Variants in TIRAP observed in about 807,000 individuals in gnomAD.
TIRAP encodes toll/interleukin-1 receptor domain-containing adapter protein.
In TIRAP, 20 loss-of-function variants were observed where a neutral mutation model predicts 19.8. The observed-to-expected ratio is 1.01, with a 90% CI of 0.71 to 1.47. The LOEUF (loss-of-function observed/expected upper bound fraction) is 1.47. TIRAP is among the 40% of genes most tolerant of loss of function. The pLI is 0.00. For missense variants in TIRAP, 276 were observed against 285.1 expected (o/e 0.97, Z 0.23); for synonymous variants, 125 against 121.7 (o/e 1.03, Z -0.18).
chr11:126,293,134 C>T (rs778742734), intron 4 of TIRAP, 79 bp downstream of exon 4: 25 of 1,600,874 alleles, frequency 1.6e-5, no homozygotes, highest in Non-Finnish European at 2.0e-5. Flanking sequence ...GGAGACAGCC[C>T]TGTAGCCTAG....
At chr11:126,293,359 G>C (rs1324836865) in intron 4 of TIRAP, 1 of 708,142 alleles carries the variant, frequency 1.4e-6, no homozygotes, top group Non-Finnish European at 2.6e-6. Context: ...AACAGGCAGC[G>C]CCTAGCACAA....
intron 4 of TIRAP, 75 bp from the exon 5 acceptor site, chr11:126,293,593 A>G: frequency 6.4e-7 from 1 of 1,554,854 alleles, no homozygotes. Flanking sequence ...AAAAAGATAG[A>G]AGAGGCAGGA....
In TIRAP at chr11:126,290,802, G is replaced by C; in HGVS notation, c.-92-1G>C. On this transcript the variant is annotated splice_acceptor_variant, in intron 2 of 4. Transcript: ENST00000392679. LOFTEE classifies it low-confidence loss of function (5UTR_SPLICE). This position sits in a 1 kb window ranked among gnomAD's most constrained non-coding sequence, Gnocchi z 4.9. ...TGATTCTCTCTCTCTACCCTCTGTA[G>C]GATGGCTGCTCCATGAGGTCAAGAC... 4 of 1,516,100 alleles carry C rather than the reference G, an allele frequency of 2.6e-6. No individual in the cohort carries two copies. The highest frequency in any genetic ancestry group is 3.5e-6 in the Non-Finnish European group (4 of 1,135,310). 93.9% of individuals were successfully genotyped at this position (1,516,100 alleles called of 1,614,324 possible).
chr11:126,285,396 G>C (rs1951309962), intron 1 of TIRAP, among the ~76,000 whole-genome samples: 1 of 151,560 alleles, frequency 6.6e-6, no homozygotes, highest in Non-Finnish European at 1.5e-5. Flanking sequence ...CGAGTAGCTG[G>C]GATTACAGGC....
chr11:126,284,033 CTTTT>C (rs749115228), intron 1 of TIRAP, among the ~76,000 whole-genome samples: 6 of 113,198 alleles, frequency 5.3e-5, no homozygotes, highest in South Asian at 3.0e-4. Flanking sequence ...TCATGTACTT[CTTTT>C]TTTTTTTTTT....
rs1464079155 is a variant in TIRAP at position 126,283,131 on chromosome 11, A to G, written c.-239A>G. The G allele has an allele frequency of 2.0e-6, 2 of 984,750 alleles. No homozygotes were observed. The highest frequency in any genetic ancestry group is 2.4e-6 in the Non-Finnish European group (2 of 829,738). The allele number at this position is 984,750 out of a possible 1,614,324, so 61.0% of individuals were successfully genotyped here. ...AGCCCGCGCAGTCCGCGCAGCCCTCATCGCAACTGGGCCCGCGCGCAGGTG... is the reference window on the plus strand; with the variant it reads ...AGCCCGCGCAGTCCGCGCAGCCCTCGTCGCAACTGGGCCCGCGCGCAGGTG... On this transcript the variant is annotated 5_prime_UTR_variant, in exon 1 of 5. Transcript: ENST00000392679.
Position 126,284,973 on chromosome 11 carries a change from G to A in TIRAP, c.-217+1820G>A, listed in dbSNP as rs572239664. ...AAACACTTCTCCACCGGCAGTGTTC[G>A]AGTTCCCATCCCTGCACACTCTTAC... On this transcript the variant is annotated intron_variant, in intron 1 of 4. Transcript: ENST00000392679. Among the ~76,000 whole-genome samples, 3 of 151,930 alleles carry A rather than the reference G, an allele frequency of 2.0e-5. No individual in the cohort carries two copies. In the East Asian group the frequency reaches 5.8e-4, roughly 29 times the overall value.
chr11:126,288,015 A>G lies in TIRAP; in HGVS notation c.-216-2447A>G, dbSNP rs7119265. ...ATGATCTGCCCACCTCGGCCTCCCAAAGTGCTGGGATTACAGGGGAGCACC... is the reference window on the plus strand; with the variant it reads ...ATGATCTGCCCACCTCGGCCTCCCAGAGTGCTGGGATTACAGGGGAGCACC... On this transcript the variant is annotated intron_variant, in intron 1 of 4. Transcript: ENST00000392679. This position sits in a 1 kb window ranked among gnomAD's most constrained non-coding sequence, Gnocchi z 5.0. Among the ~76,000 whole-genome samples the G allele has an allele frequency of 7.4e-3, 1,121 of 152,084 alleles. 15 individuals carry two copies. The highest frequency in any genetic ancestry group is 0.025 in the African/African-American group (1,051 of 41,476).
intron 1 of TIRAP, among the ~76,000 whole-genome samples, chr11:126,284,729 C>T (rs371475856): frequency 1.2e-4 from 18 of 151,834 alleles, no homozygotes; most frequent in Admixed American, 3.9e-4. Flanking sequence ...TGGCGGGTGT[C>T]GGTAGTCCCA....
rs8177377 is a variant in TIRAP, at chr11:126,293,795, C to T, written c.*108C>T. ...GTGACAAGAGGTATAGGGAGTGAGT[C>T]ACAGCGCTTTGCTCGTGACCCTGGG... On this transcript the variant is annotated 3_prime_UTR_variant, in exon 5 of 5. Transcript: ENST00000392679. 2.7e-3 allele frequency: 3,544 copies of T among 1,321,442 alleles called. 66 individuals carry two copies. In the African/African-American group the frequency reaches 0.038, roughly 14 times the overall value. 81.9% of individuals were successfully genotyped at this position (1,321,442 alleles called of 1,614,324 possible). A position where few individuals can be genotyped will look rare whatever the true frequency, so the allele number is the denominator to read the frequency against.
chr11:126,285,243 G>GTGTGTGTGTGTATATATATATATA, intron 1 of TIRAP, among the ~76,000 whole-genome samples: 2,229 of 106,748 alleles, frequency 0.021, 40 homozygotes, highest in South Asian at 0.037. Flanking sequence ...GTGTGTGTGT[G>GTGTGTGTGTGTATATATATATATA]TATATATATA....
Position 126,293,051 on chromosome 11 carries a change from G to T in TIRAP, c.642G>T (p.Met214Ile), listed in dbSNP as rs1951426312. 6.2e-7 allele frequency: 1 copy of T among 1,614,042 alleles called. No individual in the cohort carries two copies. Among genetic ancestry groups the T allele is most frequent in the Non-Finnish European group, 8.5e-7 (1 of 1,180,042 alleles). ...TTCGTCAAGTCAAAGAAGCTGTCAT[G>T]CGTTGTAAGCTACTACAGGAGGGAG... is the stretch of plus-strand genomic sequence containing the variant. ...GGFRQVKEAV[M>I]RYLQTLS Residue 214 changes from methionine (M) to isoleucine (I), a missense_variant, in exon 4 of 5, where the codon ATG becomes ATT. Physicochemically the swap from Met to Ile is conservative, Grantham distance 10. Transcript: ENST00000392679.
chr11:126,292,054 C>T (rs1403427760), intron 3 of TIRAP, among the ~76,000 whole-genome samples: 1 of 151,956 alleles, frequency 6.6e-6, no homozygotes, highest in Non-Finnish European at 1.5e-5. Context: ...GCCTGTAATC[C>T]CAGCACTTTG....
intron 1 of TIRAP, among the ~76,000 whole-genome samples, chr11:126,284,163 A>AGCTGGGATTACAG (rs1951289366): frequency 6.6e-6 from 1 of 150,458 alleles, no homozygotes; most frequent in African/African-American, 2.4e-5. Context: ...CCTCCCGAGT[A>AGCTGGGATTACAG]GCTGGGATTA....
rs1460695089 is a variant in TIRAP at position 126,285,102 on chromosome 11, G to GAA, written c.-217+1950_-217+1951insAA. On this transcript the variant is annotated intron_variant, in intron 1 of 4. Transcript: ENST00000392679. ...TCTCTGATGACTAATGAACTGTTTT[G>GAA]ATGTCTATTGCTCATTTGAATATTC... 4.0e-5 allele frequency among the ~76,000 whole-genome samples: 6 copies of GAA among 151,874 alleles called. No homozygotes were observed. The East Asian group carries it at 1.2e-3, about 29-fold the overall frequency.
chr11:126,285,198 A>G (rs1951304568), intron 1 of TIRAP, among the ~76,000 whole-genome samples: 1 of 148,268 alleles, frequency 6.7e-6, no homozygotes, highest in African/African-American at 2.5e-5. Flanking sequence ...TGAGTCCTTG[A>G]AATATTTGTG....
Position 126,291,276 on chromosome 11 carries a change from C to A in TIRAP, c.67+315C>A, listed in dbSNP as rs1293941671. On this transcript the variant is annotated intron_variant, in intron 3 of 4. Coordinates refer to ENST00000392679, the MANE Select transcript of TIRAP (RefSeq NM_001318777.2). This position sits in a 1 kb window ranked among gnomAD's most constrained non-coding sequence, Gnocchi z 5.6. Reference sequence around the variant, plus strand: ...GTCGTCCAAATCTTTGTTCCAGAACCATTTAGAGGAGAAGCCAAGCAGAGA... The same window carrying A: ...GTCGTCCAAATCTTTGTTCCAGAACAATTTAGAGGAGAAGCCAAGCAGAGA... 8.9e-5 allele frequency: 49 copies of A among 552,496 alleles called. No homozygotes were observed. Among genetic ancestry groups the A allele is most frequent in the South Asian group, 8.4e-4 (47 of 55,986 alleles). 34.2% of individuals were successfully genotyped at this position (552,496 alleles called of 1,614,324 possible). A position where few individuals can be genotyped will look rare whatever the true frequency, so the allele number is the denominator to read the frequency against.
At chr11:126,285,873 T>G (rs1951316460) in intron 1 of TIRAP, among the ~76,000 whole-genome samples, 1 of 150,302 alleles carries the variant, frequency 6.7e-6, no homozygotes, top group African/African-American at 2.5e-5. Context: ...ATCCTGTCTG[T>G]ACCAAGAAAA....
In TIRAP at chr11:126,292,759, T is replaced by A. The variant is rs535310174; in HGVS notation, c.350T>A (p.Phe117Tyr). Reference protein sequence around the residue: ...LEGSTASLRCFLQLRDATPGG... With the variant: ...LEGSTASLRCYLQLRDATPGG... The stretch of plus-strand genomic sequence containing the variant: ...GGCAGCACTGCCAGCCTGCGCTGCT[T>A]CCTGCAACTCCGGGATGCAACCCCA... The change falls in exon 4 of 5, where the codon TTC becomes TAC. Residue 117 changes from phenylalanine to tyrosine, a missense_variant. Physicochemically the swap from Phe to Tyr is conservative, Grantham distance 22. Transcript: ENST00000392679. 22 of 1,613,124 alleles carry A rather than the reference T, an allele frequency of 1.4e-5. No individual in the cohort carries two copies. In the East Asian group the frequency reaches 4.0e-4, roughly 29 times the overall value.
Sources: gnomAD v4.1 joint callset for allele counts (sites outside exome capture counted in the v4.1 genomes callset) on GRCh38, gnomAD v4.1.1 for gene constraint, Gnocchi (gnomAD v3.1) non-coding constraint, MANE v1.5 for transcripts, NCBI Gene and HGNC (gene_info 2026-07-23, HGNC 2026-07-21) for gene names.